NDFIP2: variants seen among roughly 807,000 people sequenced by gnomAD.
The protein encoded by NDFIP2 is NEDD4 family-interacting protein 2.
Under a neutral mutation model 36.0 loss-of-function variants are expected in NDFIP2, and 19 were observed. The observed-to-expected ratio is 0.53, with a 90% CI of 0.37 to 0.77. The LOEUF (loss-of-function observed/expected upper bound fraction) is 0.77, where lower values mean the gene tolerates loss of function less well. Among genes scored for constraint, NDFIP2 ranks in the 30% least tolerant of loss-of-function variants. The pLI is 0.00. For missense variants in NDFIP2, 446 were observed against 435.8 expected, an observed-to-expected ratio of 1.02 and a Z score of -0.21; for synonymous variants, 181 against 167.7, an observed-to-expected ratio of 1.08 and a Z score of -0.61.
chr13:79,544,703 T>C (rs1875596378), intron 5 of NDFIP2, among the ~76,000 whole-genome samples: 1 of 152,138 alleles, frequency 6.6e-6, no homozygotes, highest in Non-Finnish European at 1.5e-5. Flanking sequence ...AGATCAAATA[T>C]ATTAGCTTCT....
At chr13:79,550,305 T>G (rs1353246124) in intron 6 of NDFIP2, among the ~76,000 whole-genome samples, 3 of 151,776 alleles carry the variant, frequency 2.0e-5, no homozygotes, top group African/African-American at 7.2e-5. Flanking sequence ...TATTTGTGGT[T>G]GTTATTTTAA....
chr13:79,534,361 T>TTG (rs1555358291), intron 3 of NDFIP2, among the ~76,000 whole-genome samples: 1 of 148,772 alleles, frequency 6.7e-6, no homozygotes, highest in East Asian at 1.9e-4. Flanking sequence ...TTTTTTTTTT[T>TTG]TTTTTTTTTT....
At chr13:79,497,796 GT>G (rs1308489917) in intron 1 of NDFIP2, among the ~76,000 whole-genome samples, 26 of 107,982 alleles carry the variant, frequency 2.4e-4, no homozygotes, top group Non-Finnish European at 3.0e-4. Flanking sequence ...TCTGTGGGGG[GT>G]GTGTGTGTGT....
In NDFIP2 at chr13:79,512,316, A is replaced by G. The variant is rs17071529; in HGVS notation, c.322-8494A>G. On this transcript the variant is annotated intron_variant, in intron 1 of 7. Transcript: ENST00000218652. The stretch of plus-strand genomic sequence containing the variant: ...CTTAAAAATTTAAATTGTTTTATAA[A>G]TTCAAACACTATCATTTAAAATGTC... Among the ~76,000 whole-genome samples, 997 of 152,348 alleles carry G rather than the reference A, an allele frequency of 6.5e-3. 17 individuals carry two copies. Among genetic ancestry groups the G allele is most frequent in the African/African-American group, 0.022 (920 of 41,576 alleles).
At chr13:79,501,564 T>G (rs1039807364) in intron 1 of NDFIP2, among the ~76,000 whole-genome samples, 1 of 152,098 alleles carries the variant, frequency 6.6e-6, no homozygotes, top group African/African-American at 2.4e-5. Flanking sequence ...GAGTGAGTGA[T>G]AGTGTGTATA....
intron 3 of NDFIP2, among the ~76,000 whole-genome samples, chr13:79,533,688 G>A (rs1047847025): frequency 6.6e-6 from 1 of 151,992 alleles, no homozygotes; most frequent in Non-Finnish European, 1.5e-5. Context: ...AAATTGCATA[G>A]CCTAGAAATA....
intron 1 of NDFIP2, among the ~76,000 whole-genome samples, chr13:79,506,245 TC>T (rs1873863409): frequency 6.6e-6 from 1 of 152,164 alleles, no homozygotes; most frequent in Non-Finnish European, 1.5e-5. Flanking sequence ...ACCTATTTCG[TC>T]TATTAACAGT....
intron 1 of NDFIP2, among the ~76,000 whole-genome samples, chr13:79,484,639 A>G (rs983674053): frequency 1.2e-4 from 19 of 152,216 alleles, no homozygotes; most frequent in Non-Finnish European, 1.9e-4. Context: ...TCAATTTTCT[A>G]TGGAACATAA....
At chr13:79,525,859 T>C (rs745919957) in intron 2 of NDFIP2, among the ~76,000 whole-genome samples, 6 of 152,242 alleles carry the variant, frequency 3.9e-5, no homozygotes, top group Non-Finnish European at 5.9e-5. Flanking sequence ...CTATTGTATA[T>C]GGTTTTTCTC....
chr13:79,546,028 A>G (rs1691530612), intron 5 of NDFIP2, among the ~76,000 whole-genome samples: 1 of 152,182 alleles, frequency 6.6e-6, no homozygotes, highest in Non-Finnish European at 1.5e-5. Context: ...GCGCCAGGCC[A>G]GTCTCACAGT....
rs545024325 is a variant in NDFIP2, at chr13:79,553,111, T to C, written c.*598T>C. On this transcript the variant is annotated 3_prime_UTR_variant, in exon 8 of 8. Transcript: ENST00000218652. ...GTAAATAACCATGCATAACTTACTT[T>C]CTGCAATGTTTTCTTAGAAATTGTG... The C allele has an allele frequency of 5.3e-5, 8 of 151,908 alleles. No homozygotes were observed. The South Asian group carries it at 1.7e-3, about 31-fold the overall frequency. The allele number at this position is 151,908 out of a possible 1,614,324, so 9.4% of individuals were successfully genotyped here. A position where few individuals can be genotyped will look rare whatever the true frequency, so the allele number is the denominator to read the frequency against.
intron 1 of NDFIP2, among the ~76,000 whole-genome samples, chr13:79,506,340 ACTT>A (rs1346746440): frequency 2.0e-5 from 3 of 152,148 alleles, no homozygotes; most frequent in East Asian, 1.9e-4. Flanking sequence ...CAACTCTGTT[ACTT>A]CTTTAACATC....
intron 1 of NDFIP2, among the ~76,000 whole-genome samples, chr13:79,492,983 C>T (rs1037513476): frequency 1.3e-5 from 2 of 151,798 alleles, no homozygotes; most frequent in Non-Finnish European, 2.9e-5. Flanking sequence ...TCCCTTTTAC[C>T]TCCCCATCTC....
intron 3 of NDFIP2, among the ~76,000 whole-genome samples, chr13:79,534,024 C>T (rs977777544): frequency 2.0e-5 from 3 of 152,082 alleles, no homozygotes; most frequent in South Asian, 2.1e-4. Flanking sequence ...TGCTCTTCCC[C>T]GCTTATCCCT....
At chr13:79,520,760 A>C (rs193214958) in intron 1 of NDFIP2, 50 bp from the exon 2 acceptor site, 3 of 1,491,924 alleles carry the variant, frequency 2.0e-6, no homozygotes, top group Admixed American at 4.2e-5. Context: ...TTAAAATTTA[A>C]AAAATAATTA....
chr13:79,487,217 T>A (rs1873036631), intron 1 of NDFIP2, among the ~76,000 whole-genome samples: 1 of 152,108 alleles, frequency 6.6e-6, no homozygotes, highest in African/African-American at 2.4e-5. Flanking sequence ...ACCCCCCAGG[T>A]GACTGTTCTG....
At chr13:79,486,124 T>C (rs1330509256) in intron 1 of NDFIP2, among the ~76,000 whole-genome samples, 1 of 152,130 alleles carries the variant, frequency 6.6e-6, no homozygotes, top group Non-Finnish European at 1.5e-5. Flanking sequence ...TCCCAAGATA[T>C]TTCATTACGT....
intron 1 of NDFIP2, among the ~76,000 whole-genome samples, chr13:79,516,229 C>T (rs936165468): frequency 6.6e-6 from 1 of 151,884 alleles, no homozygotes; most frequent in African/African-American, 2.4e-5. Context: ...ATGGGTAGCT[C>T]CAATAGTAAA....
At chr13:79,498,948 A>G (rs1372520854) in intron 1 of NDFIP2, among the ~76,000 whole-genome samples, 2 of 152,118 alleles carry the variant, frequency 1.3e-5, no homozygotes, top group Non-Finnish European at 2.9e-5. Context: ...GCCAGACAAG[A>G]CATTGTAAGA....
Sources: allele counts gnomAD v4.1 joint callset (sites outside exome capture counted in the v4.1 genomes callset), GRCh38; gene constraint gnomAD v4.1.1; transcripts MANE v1.5; gene names NCBI Gene and HGNC (gene_info 2026-07-23, HGNC 2026-07-21).